The following ABCC2 variants were observed in gnomAD, a reference collection of about 807,000 sequenced individuals.
ABCC2 encodes ATP binding cassette subfamily C member 2.
Under a neutral mutation model 173.4 loss-of-function variants are expected in ABCC2, and 157 were observed. That is an observed-to-expected ratio of 0.91 (90% CI 0.80 to 1.03). ABCC2 has a LOEUF of 1.03. Ranked by LOEUF, ABCC2 falls within the 50% of genes least tolerant of loss-of-function variation. The pLI is 0.00. For missense variants in ABCC2, 1,822 were observed against 1,852.3 expected, an observed-to-expected ratio of 0.98 and a Z score of 0.30; for synonymous variants, 657 against 693.5, an observed-to-expected ratio of 0.95 and a Z score of 0.83.
At chr10:99,782,928 G>T in intron 1 of ABCC2, 51 bp downstream of exon 1, 2 of 1,592,776 alleles carry the variant, frequency 1.3e-6, no homozygotes, top group Non-Finnish European at 1.7e-6. Flanking sequence ...CTCAGAACAA[G>T]TGGTAGTTAG....
rs2037636848 is a variant in ABCC2 at position 99,782,751 on chromosome 10, T to C, written c.-94T>C. On this transcript the variant is annotated 5_prime_UTR_variant, in exon 1 of 32. Transcript: ENST00000647814. ...CGGAGAACATCAGAATGGTAGATAA[T>C]TCCTGTTCCACTTTCTTTGATGAAA... 7.1e-7 allele frequency: 1 copy of C among 1,406,660 alleles called. No individual in the cohort carries two copies. 87.1% of individuals were successfully genotyped at this position (1,406,660 alleles called of 1,614,324 possible).
intron 6 of ABCC2, among the ~76,000 whole-genome samples, chr10:99,795,622 C>T (rs1564672148): frequency 6.6e-6 from 1 of 151,726 alleles, no homozygotes; most frequent in Non-Finnish European, 1.5e-5. Flanking sequence ...TTGCTTGAAC[C>T]TGGGAGGCAG....
At chr10:99,805,330 G>A (rs2038081458) in intron 10 of ABCC2, 52 bp from the exon 11 acceptor site, 1 of 1,540,704 alleles carries the variant, frequency 6.5e-7, no homozygotes, top group Non-Finnish European at 9.0e-7. Context: ...GCAAACCTGA[G>A]CCCTCTCTCA....
intron 13 of ABCC2, among the ~76,000 whole-genome samples, chr10:99,808,938 C>G (rs929544932): frequency 6.6e-6 from 1 of 152,150 alleles, no homozygotes; most frequent in African/African-American, 2.4e-5. Flanking sequence ...GAAAAGCTGG[C>G]AGATTTGGCA....
intron 17 of ABCC2, among the ~76,000 whole-genome samples, chr10:99,818,507 C>T (rs1490904048): frequency 6.6e-6 from 1 of 152,076 alleles, no homozygotes; most frequent in Non-Finnish European, 1.5e-5. Flanking sequence ...CATCCATGAA[C>T]AAAATAGAAA....
chr10:99,796,972 G>C (rs1480455261), intron 6 of ABCC2, 125 bp from the exon 7 acceptor site: 1 of 829,174 alleles, frequency 1.2e-6, no homozygotes, highest in Non-Finnish European at 2.0e-6. Flanking sequence ...AGGGCCAGGA[G>C]ATGGGGATAG....
chr10:99,830,066 T>A (rs1373798057), intron 19 of ABCC2, among the ~76,000 whole-genome samples: 1 of 152,260 alleles, frequency 6.6e-6, no homozygotes, highest in Non-Finnish European at 1.5e-5. Flanking sequence ...TTCTCCATTT[T>A]GACCATTTTC....
chr10:99,803,988 C>T, intron 9 of ABCC2, 31 bp from the exon 10 acceptor site: 1 of 1,613,940 alleles, frequency 6.2e-7, no homozygotes, highest in South Asian at 1.1e-5. Context: ...TGGCTTTGTC[C>T]ATGGGTCCTA....
chr10:99,847,355 A>C (rs1027325600), intron 30 of ABCC2, among the ~76,000 whole-genome samples: 1 of 152,154 alleles, frequency 6.6e-6, no homozygotes, highest in Non-Finnish European at 1.5e-5. Flanking sequence ...TGATCCCAGC[A>C]CTCTGGGAGG....
At position 99,836,243 on chromosome 10, in the gene ABCC2, G is replaced by A; in HGVS notation, c.3567G>A (p.Arg1189=). The A allele has an allele frequency of 6.2e-7, 1 of 1,614,212 alleles. No homozygotes were observed. Reference sequence around the variant, plus strand: ...GATTTCTGAAACACAATGAGGTGAGGATTGACACCAACCAGAAATGTGTCT... The same window carrying A: ...GATTTCTGAAACACAATGAGGTGAGAATTGACACCAACCAGAAATGTGTCT... ...QQRFLKHNEV[R]IDTNQKCVFS... Residue 1189 remains arginine, a synonymous_variant, in exon 25 of 32, where the codon AGG becomes AGA. Transcript: ENST00000647814.
intron 16 of ABCC2, among the ~76,000 whole-genome samples, chr10:99,817,066 T>A (rs1031843157): frequency 6.6e-6 from 1 of 152,138 alleles, no homozygotes; most frequent in South Asian, 2.1e-4. Flanking sequence ...ATTTTCAGGA[T>A]CATGGCTGAA....
At chr10:99,835,941 C>A in intron 24 of ABCC2, 150 bp from the exon 25 acceptor site, 1 of 785,484 alleles carries the variant, frequency 1.3e-6, no homozygotes, top group Non-Finnish European at 2.2e-6. Flanking sequence ...CATCATTCTG[C>A]TCCCAGACAT....
chr10:99,811,644 C>G (rs1447475455), intron 15 of ABCC2, 42 bp downstream of exon 15: 1 of 1,602,836 alleles, frequency 6.2e-7, no homozygotes, highest in Admixed American at 1.7e-5. Flanking sequence ...TTAGCATTCT[C>G]ACTGCCTGGC....
intron 27 of ABCC2, among the ~76,000 whole-genome samples, 170 bp downstream of exon 27, chr10:99,844,070 G>T (rs578159048): frequency 2.6e-5 from 4 of 152,194 alleles, no homozygotes. Flanking sequence ...AATAGGAAAT[G>T]GTTTAGGGGA....
At chr10:99,838,142 C>T (rs2038857934) in intron 25 of ABCC2, among the ~76,000 whole-genome samples, 11 of 78,600 alleles carry the variant, frequency 1.4e-4, no homozygotes, top group Admixed American at 2.2e-4. Context: ...GGCGGCTGGC[C>T]GGGCGGGGGG....
intron 6 of ABCC2, among the ~76,000 whole-genome samples, chr10:99,796,481 C>T (rs574754636): frequency 4.2e-4 from 63 of 151,702 alleles, no homozygotes; most frequent in African/African-American, 1.5e-3. Context: ...TCCAGCCTAT[C>T]GACAAGATCG....
intron 19 of ABCC2, 21 bp downstream of exon 19, chr10:99,819,290 C>A: frequency 3.7e-6 from 6 of 1,608,484 alleles, no homozygotes; most frequent in Non-Finnish European, 5.1e-6. Flanking sequence ...AGGATTGGGA[C>A]AAGATAGAAC....
chr10:99,847,601 TAA>T (rs113986415), intron 30 of ABCC2, among the ~76,000 whole-genome samples: 1 of 137,930 alleles, frequency 7.3e-6, no homozygotes, highest in Non-Finnish European at 1.6e-5. Context: ...AGACTCCGTC[TAA>T]AAAAAAAAAA....
chr10:99,844,567 G>T, intron 28 of ABCC2, 102 bp downstream of exon 28: 1 of 1,474,216 alleles, frequency 6.8e-7, no homozygotes. Flanking sequence ...CATTTGGATG[G>T]AGGGAAAGGG....
Sources: gnomAD v4.1 joint callset for allele counts (sites outside exome capture counted in the v4.1 genomes callset) on GRCh38, gnomAD v4.1.1 for gene constraint, MANE v1.5 for transcripts, NCBI Gene and HGNC (gene_info 2026-07-23, HGNC 2026-07-21) for gene names.